EXOSC5: variants seen among roughly 807,000 people sequenced by gnomAD.
EXOSC5 encodes the protein exosome component 5, also known as exosome complex component RRP46.
In EXOSC5, 15 loss-of-function variants were observed where a neutral mutation model predicts 23.7. The ratio of observed to expected loss-of-function variants is 0.63; its 90% CI spans 0.42 to 0.97. The LOEUF is 0.97. EXOSC5 is among the 50% of genes least tolerant of loss of function. EXOSC5 has a pLI of 0.00. For missense variants in EXOSC5, 305 were observed against 316.3 expected (o/e 0.96, Z 0.27); for synonymous variants, 143 against 140.9 (o/e 1.02, Z -0.11).
At chr19:41,393,799 T>G (rs1208753053) in intron 1 of EXOSC5, among the ~76,000 whole-genome samples, 1 of 151,434 alleles carries the variant, frequency 6.6e-6, no homozygotes, top group Non-Finnish European at 1.5e-5. Context: ...GACCTCATGA[T>G]CTGCCCGCCT....
chr19:41,392,204 G>A (rs2039028272), intron 2 of EXOSC5: 1 of 539,078 alleles, frequency 1.9e-6, no homozygotes, highest in South Asian at 2.7e-5. Flanking sequence ...GGAGTTCCAT[G>A]TCTGTGCTGC....
chr19:41,391,888 G>T lies in EXOSC5; in HGVS notation c.337C>A (p.Arg113Ser). The T allele has an allele frequency of 6.4e-7, 1 of 1,560,982 alleles. No homozygotes were observed. ...TGCAGCACCACGGTGATGGAGGTGC[G>T]GGGGTGCAACGTGCCCAGCACCACC... ...EAVVLGTLHP[R>S]TSITVVLQVV... The change falls in exon 3 of 6, where the codon CGC becomes AGC. Residue 113 changes from arginine to serine, a missense_variant. Physicochemically the swap from Arg to Ser is moderately radical, Grantham distance 110 (BLOSUM62 -1). Transcript: ENST00000221233.
At chr19:41,392,227 C>T in intron 2 of EXOSC5, 1 of 487,372 alleles carries the variant, frequency 2.1e-6, no homozygotes, top group Non-Finnish European at 3.6e-6. Context: ...CCCACGCCCA[C>T]TCCCACCCTA....
Position 41,397,314 on chromosome 19 carries a change from C to T in EXOSC5, c.15G>A (p.Thr5=), listed in dbSNP as rs2039079543. Reference sequence around the variant, plus strand: ...CAGCACGGATTTTGGCGTCAGTATGCGTCTCCTCCTCCATCGCGCCGAGCC... The same window carrying T: ...CAGCACGGATTTTGGCGTCAGTATGTGTCTCCTCCTCCATCGCGCCGAGCC... MEEE[T]HTDAKIRAEN... is the part of the protein sequence containing the mutation. The change falls in exon 1 of 6, where the codon ACG becomes ACA. Residue 5 remains threonine (T), a synonymous_variant. Coordinates refer to ENST00000221233, the MANE Select transcript of EXOSC5 (RefSeq NM_020158.4). 1 of 1,613,476 alleles carries T rather than the reference C, an allele frequency of 6.2e-7. No homozygotes were observed. Among genetic ancestry groups the T allele is most frequent in the Non-Finnish European group, 8.5e-7 (1 of 1,179,488 alleles).
In EXOSC5 at chr19:41,392,928, G is replaced by C; in HGVS notation, c.201C>G (p.Ser67Arg). The C allele has an allele frequency of 6.2e-7, 1 of 1,613,786 alleles. No homozygotes were observed. The highest frequency in any genetic ancestry group is 8.5e-7 in the Non-Finnish European group (1 of 1,180,012). The change falls in exon 2 of 6, where the codon AGC becomes AGG. Residue 67 changes from serine (S) to arginine (R), a missense_variant. Transcript: ENST00000221233. ...GVYGPAEVKV[S>R]KEIFNKATLE... ...GTGTGGCCTTGTTGAAAATCTCTTT[G>C]CTGACCTTCACCTCGGCCGGCCCGT... is the stretch of plus-strand genomic sequence containing the variant.
chr19:41,388,548 C>T (rs990255772), intron 4 of EXOSC5, among the ~76,000 whole-genome samples: 6 of 152,142 alleles, frequency 3.9e-5, no homozygotes, highest in South Asian at 2.1e-4. Context: ...GGAGGTGGCT[C>T]GCAGGTTCAG....
chr19:41,393,859 A>T (rs920399110), intron 1 of EXOSC5, among the ~76,000 whole-genome samples: 1 of 152,200 alleles, frequency 6.6e-6, no homozygotes, highest in East Asian at 1.9e-4. Flanking sequence ...GGCTGGTATT[A>T]GTAACTTTTA....
intron 4 of EXOSC5, 70 bp downstream of exon 4, chr19:41,389,688 AGAGAAGC>A (rs1261710564): frequency 6.5e-6 from 10 of 1,550,284 alleles, no homozygotes; most frequent in Non-Finnish European, 8.7e-6. Context: ...GACTGTCTGT[AGAGAAGC>A]GAGGCCTGGA....
At chr19:41,392,838 C>T (rs1448532300) in intron 2 of EXOSC5, 29 bp downstream of exon 2, 1 of 1,604,084 alleles carries the variant, frequency 6.2e-7, no homozygotes, top group East Asian at 2.2e-5. Context: ...AACTGGGCAC[C>T]ACTCAGAGGT....
intron 4 of EXOSC5, 87 bp from the exon 5 acceptor site, chr19:41,387,690 G>C: frequency 1.1e-6 from 1 of 931,466 alleles, no homozygotes; most frequent in Non-Finnish European, 1.5e-6. Flanking sequence ...AGGCACAGTG[G>C]CTCATGACCA....
chr19:41,396,865 A>T (rs2039071563), intron 1 of EXOSC5, among the ~76,000 whole-genome samples: 1 of 146,766 alleles, frequency 6.8e-6, no homozygotes, highest in Non-Finnish European at 1.5e-5. Context: ...GGGAGGGTGG[A>T]GGAGGAATCG....
At chr19:41,390,997 G>A (rs2039019190) in intron 3 of EXOSC5, among the ~76,000 whole-genome samples, 1 of 152,124 alleles carries the variant, frequency 6.6e-6, no homozygotes, top group African/African-American at 2.4e-5. Context: ...ACAAGGCCAC[G>A]CTCCTGACTC....
chr19:41,386,768 A>G (rs1249494555), intron 5 of EXOSC5, 43 bp from the exon 6 acceptor site: 1 of 1,527,070 alleles, frequency 6.5e-7, no homozygotes, highest in Non-Finnish European at 8.8e-7. Context: ...CGAGCCCTTC[A>G]TGCACACACG....
chr19:41,393,282 C>G (rs2039037790), intron 1 of EXOSC5, among the ~76,000 whole-genome samples: 1 of 152,184 alleles, frequency 6.6e-6, no homozygotes, highest in South Asian at 2.1e-4. Context: ...TTCAGGCATT[C>G]AGGCAGGGTC....
chr19:41,387,619 A>G lies in EXOSC5; in HGVS notation c.526-16T>C. On this transcript the variant is annotated splice_polypyrimidine_tract_variant and intron_variant, in intron 4 of 5. Coordinates refer to ENST00000221233, the MANE Select transcript of EXOSC5 (RefSeq NM_020158.4). ...CCCGGGCCTCCTAGGGACAAGGGGT[A>G]GAAGGCGGTGGGGGACCTAGGACCT... The G allele has an allele frequency of 6.4e-7, 1 of 1,572,284 alleles. No individual in the cohort carries two copies. The highest frequency in any genetic ancestry group is 1.2e-5 in the South Asian group (1 of 85,090).
In EXOSC5 at chr19:41,391,842, G is replaced by A. The variant is rs2039024363; in HGVS notation, c.383C>T (p.Ser128Phe). 6.6e-7 allele frequency: 1 copy of A among 1,516,758 alleles called. No homozygotes were observed. The highest frequency in any genetic ancestry group is 1.5e-5 in the African/African-American group (1 of 68,652). 94.0% of individuals were successfully genotyped at this position (1,516,758 alleles called of 1,614,324 possible). A position where few individuals can be genotyped will look rare whatever the true frequency, so the allele number is the denominator to read the frequency against. Residue 128 changes from serine to phenylalanine, a missense_variant and splice_region_variant, in exon 3 of 6, where the codon TCT becomes TTT. By Grantham distance (155) the Ser-to-Phe change is radical. Coordinates refer to ENST00000221233, the MANE Select transcript of EXOSC5 (RefSeq NM_020158.4). ...VVLQVVSDAG[S>F]LLACCLNAAC... ...GAGGAGGCCTGGCAGAAAGGATACA[G>A]AGCCGGCATCGCTGACAACCTGCAG...
In EXOSC5 at chr19:41,387,567, C is replaced by T. The variant is rs143662824; in HGVS notation, c.562G>A (p.Val188Met). Residue 188 changes from valine to methionine, a missense_variant, in exon 5 of 6, where the codon GTG (valine) becomes ATG (methionine). Transcript: ENST00000221233. ...RAVLTFALDS[V>M]ERKLLMSSTK... ...CTGGACATCAGCAGCTTCCGTTCCA[C>T]GCTGTCCAGGGCAAAGGTCAGGACT... The T allele has an allele frequency of 2.1e-5, 33 of 1,606,590 alleles. No homozygotes were observed. The highest frequency in any genetic ancestry group is 3.4e-5 in the Admixed American group (2 of 58,650).
intron 4 of EXOSC5, among the ~76,000 whole-genome samples, chr19:41,387,986 C>G (rs2038996974): frequency 1.3e-5 from 2 of 152,144 alleles, no homozygotes; most frequent in Non-Finnish European, 2.9e-5. Context: ...ACACTTGCAG[C>G]CAGTCCCACT....
intron 3 of EXOSC5, among the ~76,000 whole-genome samples, chr19:41,390,293 C>T (rs2123222000): frequency 6.6e-6 from 1 of 152,308 alleles, no homozygotes; most frequent in South Asian, 2.1e-4. Flanking sequence ...CTCCACCAGG[C>T]TGATGCCTAT....
Sources: gnomAD v4.1 joint callset for allele counts (sites outside exome capture counted in the v4.1 genomes callset) on GRCh38, gnomAD v4.1.1 for gene constraint, MANE v1.5 for transcripts, NCBI Gene and HGNC (gene_info 2026-07-23, HGNC 2026-07-21) for gene names.